CAMTA1: variants seen among roughly 807,000 people sequenced by gnomAD.
CAMTA1 encodes calmodulin binding transcription activator 1.
A neutral mutation model predicts 170.9 loss-of-function variants in CAMTA1; 27 were observed. That is an observed-to-expected ratio of 0.16 (90% CI 0.12 to 0.22). The LOEUF (loss-of-function observed/expected upper bound fraction) is 0.22. Ranked by LOEUF, CAMTA1 falls within the 10% of genes least tolerant of loss-of-function variation. CAMTA1 has a pLI of 1.00. For synonymous variants in CAMTA1, 833 were observed against 891.5 expected (o/e 0.93, Z 1.17); for missense variants, 1,619 against 2,217.2 (o/e 0.73, Z 5.42).
intron 5 of CAMTA1, among the ~76,000 whole-genome samples, chr1:7,391,034 G>T (rs1484315862): frequency 6.6e-6 from 1 of 151,632 alleles, no homozygotes; most frequent in African/African-American, 2.4e-5. Flanking sequence ...TTTTGCTCTT[G>T]TTGCCCGGGC....
intron 16 of CAMTA1, among the ~76,000 whole-genome samples, chr1:7,742,139 A>G (rs1577342701): frequency 6.6e-6 from 1 of 151,792 alleles, no homozygotes; most frequent in East Asian, 1.9e-4. Flanking sequence ...ATACATATAT[A>G]TATACATACA....
chr1:7,526,816 T>C (rs2094437052), intron 6 of CAMTA1, among the ~76,000 whole-genome samples: 1 of 152,180 alleles, frequency 6.6e-6, no homozygotes, highest in African/African-American at 2.4e-5. Flanking sequence ...GGCTCTCTGT[T>C]AGCAGATGGG....
intron 4 of CAMTA1, among the ~76,000 whole-genome samples, chr1:7,191,034 T>C (rs150976933): frequency 1.5e-3 from 235 of 152,350 alleles, no homozygotes; most frequent in African/African-American, 5.3e-3. Context: ...TTTTTTTACA[T>C]ACTGAGATAG....
At chr1:7,575,203 G>T (rs2150357969) in intron 6 of CAMTA1, among the ~76,000 whole-genome samples, 1 of 152,312 alleles carries the variant, frequency 6.6e-6, no homozygotes, top group African/African-American at 2.4e-5. Flanking sequence ...GTTATTCTTT[G>T]CTGAATGCCA....
intron 6 of CAMTA1, among the ~76,000 whole-genome samples, chr1:7,526,998 T>C (rs2094439332): frequency 6.6e-6 from 1 of 152,050 alleles, no homozygotes; most frequent in African/African-American, 2.4e-5. Flanking sequence ...GCTGAGAAGG[T>C]CTCTCCACCC....
At chr1:7,650,964 T>C (rs946849872) in intron 7 of CAMTA1, among the ~76,000 whole-genome samples, 4 of 152,214 alleles carry the variant, frequency 2.6e-5, no homozygotes, top group Non-Finnish European at 5.9e-5. Context: ...GACAGCCTTC[T>C]AGTGTCAACA....
intron 1 of CAMTA1, 39 bp from the exon 2 acceptor site, chr1:6,820,142 T>C: frequency 8.2e-7 from 1 of 1,217,902 alleles, no homozygotes; most frequent in East Asian, 2.3e-5. Flanking sequence ...TATATCTTTT[T>C]GAAAGATTAG....
intron 4 of CAMTA1, among the ~76,000 whole-genome samples, chr1:7,197,836 G>A (rs1407111176): frequency 1.3e-5 from 2 of 151,964 alleles, no homozygotes; most frequent in African/African-American, 4.8e-5. Context: ...TCAAATCCAG[G>A]TCATGCCCCT....
At chr1:7,657,070 C>T (rs975965599) in intron 7 of CAMTA1, among the ~76,000 whole-genome samples, 5 of 152,238 alleles carry the variant, frequency 3.3e-5, no homozygotes, top group African/African-American at 9.6e-5. Flanking sequence ...CAGGGCTTCT[C>T]GGGTAGCTGT....
chr1:6,853,579 T>G (rs1017652546), intron 3 of CAMTA1, among the ~76,000 whole-genome samples: 14 of 152,094 alleles, frequency 9.2e-5, no homozygotes, highest in Admixed American at 8.5e-4. Context: ...AGATTTAAAC[T>G]TAGTCTATCA....
chr1:7,336,078 T>C (rs1352740479), intron 5 of CAMTA1, among the ~76,000 whole-genome samples: 13 of 152,224 alleles, frequency 8.5e-5, no homozygotes, highest in Admixed American at 7.8e-4. Context: ...AAGACCCAAA[T>C]TGGCCACCTG....
At position 7,293,321 on chromosome 1, in the gene CAMTA1, T is replaced by C. The variant is rs896977260; in HGVS notation, c.438+43695T>C. Among the ~76,000 whole-genome samples, 3 of 152,148 alleles carry C rather than the reference T, an allele frequency of 2.0e-5. No homozygotes were observed. Among genetic ancestry groups the C allele is most frequent in the Admixed American group, 6.5e-5 (1 of 15,278 alleles). On this transcript the variant is annotated intron_variant, in intron 5 of 22. Coordinates refer to ENST00000303635, the MANE Select transcript of CAMTA1 (RefSeq NM_015215.4). This position sits in a 1 kb window ranked among gnomAD's most constrained non-coding sequence, Gnocchi z 4.1. ...AGGGATAACGTGCTGGCAGGCCACT[T>C]GTCCAAGAGAATCATTCCTTCCTGC...
In CAMTA1 at chr1:7,656,708, C is replaced by A. The variant is rs9434881; in HGVS notation, c.665-5018C>A. Among the ~76,000 whole-genome samples the A allele has an allele frequency of 1.8e-4, 28 of 152,284 alleles. 1 individual carries two copies. The South Asian group carries it at 5.4e-3, about 29-fold the overall frequency. On this transcript the variant is annotated intron_variant, in intron 7 of 22. Transcript: ENST00000303635. Reference sequence around the variant, plus strand: ...CCTGCCCCATGTGGGGTGAAGCCCCCACGCCTTCCCCCAGCCCTCTCTTCT... The same window carrying A: ...CCTGCCCCATGTGGGGTGAAGCCCCAACGCCTTCCCCCAGCCCTCTCTTCT...
chr1:7,545,604 C>G (rs894985366), intron 6 of CAMTA1, among the ~76,000 whole-genome samples: 3 of 152,134 alleles, frequency 2.0e-5, no homozygotes, highest in Non-Finnish European at 4.4e-5. Context: ...TCAGGTGGTG[C>G]ATCTTGAGCA....
chr1:7,306,873 T>TA (rs1675670862), intron 5 of CAMTA1, among the ~76,000 whole-genome samples: 1 of 151,882 alleles, frequency 6.6e-6, no homozygotes, highest in Non-Finnish European at 1.5e-5. Flanking sequence ...ATAATACAAG[T>TA]AAAAAATACA....
intron 19 of CAMTA1, chr1:7,749,909 C>A: frequency 2.5e-6 from 1 of 400,342 alleles, no homozygotes. Context: ...AACATATCCC[C>A]CTTGCCAGGC....
chr1:7,094,860 T>C (rs1641883977), intron 4 of CAMTA1, among the ~76,000 whole-genome samples: 1 of 152,166 alleles, frequency 6.6e-6, no homozygotes, highest in Admixed American at 6.5e-5. Flanking sequence ...TGCTGTGTGC[T>C]CAGTGTGATA....
At chr1:7,124,510 G>A (rs183302314) in intron 4 of CAMTA1, among the ~76,000 whole-genome samples, 18 of 152,318 alleles carry the variant, frequency 1.2e-4, no homozygotes, top group Middle Eastern at 6.8e-3. Flanking sequence ...TTCTGCAATG[G>A]GAACTCGTGC....
In CAMTA1 at chr1:6,887,323, T is replaced by C. The variant is rs1274456822; in HGVS notation, c.234+62113T>C. Among the ~76,000 whole-genome samples, 2 of 152,230 alleles carry C rather than the reference T, an allele frequency of 1.3e-5. No homozygotes were observed. Among genetic ancestry groups the C allele is most frequent in the Admixed American group, 6.5e-5 (1 of 15,280 alleles). On this transcript the variant is annotated intron_variant, in intron 3 of 22. Coordinates refer to ENST00000303635, the MANE Select transcript of CAMTA1 (RefSeq NM_015215.4). This position sits in a 1 kb window ranked among gnomAD's most constrained non-coding sequence, Gnocchi z 4.1. ...TTTTATTTGATCTTTTAAAAAAGTT[T>C]TGTGGCCTCTTAAAGATAAAACCTA...
Sources: gnomAD v4.1 joint callset for allele counts (sites outside exome capture counted in the v4.1 genomes callset) on GRCh38, gnomAD v4.1.1 for gene constraint, Gnocchi (gnomAD v3.1) non-coding constraint, MANE v1.5 for transcripts, NCBI Gene and HGNC (gene_info 2026-07-23, HGNC 2026-07-21) for gene names.